The following NXPH2 variants were observed in gnomAD, a reference collection of about 807,000 sequenced individuals.
NXPH2 encodes neurexophilin 2.
A neutral mutation model predicts 19.8 loss-of-function variants in NXPH2; 5 were observed. The observed-to-expected ratio is 0.25, with a 90% CI of 0.13 to 0.53. The LOEUF (loss-of-function observed/expected upper bound fraction) is 0.53, where lower values mean the gene tolerates loss of function less well. NXPH2 is among the 20% of genes least tolerant of loss of function. The probability of loss-of-function intolerance (pLI) is 0.96; values close to 1 mark genes in which losing one functional copy is unlikely to be tolerated. For missense variants in NXPH2, 289 were observed against 322.8 expected, an observed-to-expected ratio of 0.90 and a Z score of 0.80; for synonymous variants, 154 against 127.4, an observed-to-expected ratio of 1.21 and a Z score of -1.41.
rs756384741 is a variant in NXPH2, at chr2:138,671,681, A to G, written c.52-16T>C. The G allele has an allele frequency of 3.3e-5, 50 of 1,526,222 alleles. No homozygotes were observed. Among genetic ancestry groups the G allele is most frequent in the Non-Finnish European group, 4.3e-5 (49 of 1,138,908 alleles). The allele number at this position is 1,526,222 out of a possible 1,614,324, so 94.5% of individuals were successfully genotyped here. On this transcript the variant is annotated splice_polypyrimidine_tract_variant and intron_variant, in intron 1 of 1. Transcript: ENST00000272641. ...CACAAAATAGCTGTTTGAAAAGAAG[A>G]AAGAGAAATAAACTTTAGGTTAGTG... is the stretch of plus-strand genomic sequence containing the variant.
chr2:138,726,877 T>G (rs968964490), intron 1 of NXPH2, among the ~76,000 whole-genome samples: 5 of 152,194 alleles, frequency 3.3e-5, no homozygotes, highest in African/African-American at 1.2e-4. Flanking sequence ...TGTAGTAACA[T>G]GTATCCACCA....
intron 1 of NXPH2, among the ~76,000 whole-genome samples, chr2:138,709,920 G>A (rs977021046): frequency 3.9e-5 from 6 of 152,128 alleles, no homozygotes; most frequent in African/African-American, 1.2e-4. Context: ...ACCTACTGAA[G>A]GATATTTTGG....
chr2:138,714,595 T>C (rs542935974), intron 1 of NXPH2, among the ~76,000 whole-genome samples: 2 of 152,114 alleles, frequency 1.3e-5, no homozygotes, highest in Middle Eastern at 3.4e-3. Context: ...TCCCTACAAA[T>C]TGGAAATAAC....
At chr2:138,719,454 A>G (rs529360065) in intron 1 of NXPH2, among the ~76,000 whole-genome samples, 1 of 152,346 alleles carries the variant, frequency 6.6e-6, no homozygotes, top group South Asian at 2.1e-4. Flanking sequence ...AAGTAAATAT[A>G]ATACATAATA....
intron 1 of NXPH2, among the ~76,000 whole-genome samples, chr2:138,706,452 G>A (rs929493341): frequency 6.6e-6 from 1 of 152,192 alleles, no homozygotes; most frequent in Non-Finnish European, 1.5e-5. Context: ...CACACAGCTG[G>A]TGGGCTGTTC....
chr2:138,732,009 G>A (rs1681460420), intron 1 of NXPH2, among the ~76,000 whole-genome samples: 1 of 152,184 alleles, frequency 6.6e-6, no homozygotes, highest in Admixed American at 6.5e-5. Context: ...CTATGGGTGG[G>A]CAGGTGTGTA....
intron 1 of NXPH2, among the ~76,000 whole-genome samples, chr2:138,719,605 T>C (rs923893538): frequency 6.6e-6 from 1 of 152,220 alleles, no homozygotes; most frequent in Non-Finnish European, 1.5e-5. Flanking sequence ...CTATGGCTCA[T>C]GCCTGTAATC....
chr2:138,670,086 C>T lies in NXPH2; in HGVS notation c.*836G>A, dbSNP rs1167187902. Among the ~76,000 whole-genome samples the T allele has an allele frequency of 9.2e-5, 14 of 152,154 alleles. No homozygotes were observed. Among genetic ancestry groups the T allele is most frequent in the Admixed American group, 8.5e-4 (13 of 15,284 alleles). Reference sequence around the variant, plus strand: ...ACACATGTGTAAAGAATCACACTATCGAATGAATTGAATAAAGCTCTAAGC... The same window carrying T: ...ACACATGTGTAAAGAATCACACTATTGAATGAATTGAATAAAGCTCTAAGC... On this transcript the variant is annotated 3_prime_UTR_variant, in exon 2 of 2. Transcript: ENST00000272641.
chr2:138,773,488 C>A (rs780762504), intron 1 of NXPH2, among the ~76,000 whole-genome samples: 5 of 151,550 alleles, frequency 3.3e-5, no homozygotes, highest in Admixed American at 6.6e-5. Context: ...TTATACTAAT[C>A]AACCACTTTC....
intron 1 of NXPH2, among the ~76,000 whole-genome samples, chr2:138,702,776 C>T (rs189466813): frequency 6.2e-4 from 95 of 152,120 alleles, no homozygotes; most frequent in African/African-American, 2.2e-3. Context: ...CTAAGAACAA[C>T]AACAACAACA....
chr2:138,745,255 T>C (rs1187125785), intron 1 of NXPH2, among the ~76,000 whole-genome samples: 1 of 152,188 alleles, frequency 6.6e-6, no homozygotes, highest in African/African-American at 2.4e-5. Flanking sequence ...CAATAGGTTG[T>C]AGGATTTGAA....
At position 138,670,802 on chromosome 2, in the gene NXPH2, A is replaced by G; in HGVS notation, c.*120T>C. 3 of 1,042,952 alleles carry G rather than the reference A, an allele frequency of 2.9e-6. No homozygotes were observed. Among genetic ancestry groups the G allele is most frequent in the African/African-American group, 1.6e-5 (1 of 62,534 alleles). 64.6% of individuals were successfully genotyped at this position (1,042,952 alleles called of 1,614,324 possible). ...CTTTTTTTAAATTTGAAAACCTGAT[A>G]GGGAACTATTGTTCACTGCCAGAAA... is the stretch of plus-strand genomic sequence containing the variant. On this transcript the variant is annotated 3_prime_UTR_variant, in exon 2 of 2. Coordinates refer to ENST00000272641, the MANE Select transcript of NXPH2 (RefSeq NM_007226.3).
chr2:138,690,508 T>TGAA (rs1680730628), intron 1 of NXPH2, among the ~76,000 whole-genome samples: 1 of 151,984 alleles, frequency 6.6e-6, no homozygotes, highest in East Asian at 1.9e-4. Flanking sequence ...TGGGTCCTTC[T>TGAA]GGCTTTCCAA....
At chr2:138,744,361 A>G (rs933939468) in intron 1 of NXPH2, among the ~76,000 whole-genome samples, 4 of 152,158 alleles carry the variant, frequency 2.6e-5, no homozygotes, top group Non-Finnish European at 2.9e-5. Flanking sequence ...CAAAAAAGAC[A>G]AGGCTTTTCC....
chr2:138,773,335 A>C (rs1252863344), intron 1 of NXPH2, among the ~76,000 whole-genome samples: 1 of 152,186 alleles, frequency 6.6e-6, no homozygotes, highest in African/African-American at 2.4e-5. Flanking sequence ...AGCCAATCCC[A>C]ATCGTCTCCT....
intron 1 of NXPH2, among the ~76,000 whole-genome samples, chr2:138,716,593 GT>G (rs1220682275): frequency 1.3e-5 from 2 of 152,180 alleles, no homozygotes; most frequent in African/African-American, 4.8e-5. Context: ...TGGTATTGTT[GT>G]TACAGCAGCC....
chr2:138,711,004 T>C (rs188407688), intron 1 of NXPH2, among the ~76,000 whole-genome samples: 2 of 152,126 alleles, frequency 1.3e-5, no homozygotes, highest in East Asian at 1.9e-4. Context: ...GGATCCCACT[T>C]AAAATGAGGG....
intron 1 of NXPH2, among the ~76,000 whole-genome samples, chr2:138,719,383 G>A (rs1253092206): frequency 1.3e-5 from 2 of 152,104 alleles, no homozygotes; most frequent in African/African-American, 2.4e-5. Context: ...GGGTACAGGC[G>A]AAGAAAGGAG....
At chr2:138,706,590 A>G (rs1017264447) in intron 1 of NXPH2, among the ~76,000 whole-genome samples, 6 of 152,348 alleles carry the variant, frequency 3.9e-5, no homozygotes, top group Non-Finnish European at 8.8e-5. Context: ...AGGCTGATGA[A>G]TATGAATGAG....
Sources: allele counts gnomAD v4.1 joint callset (sites outside exome capture counted in the v4.1 genomes callset), GRCh38; gene constraint gnomAD v4.1.1; transcripts MANE v1.5; gene names NCBI Gene and HGNC (gene_info 2026-07-23, HGNC 2026-07-21).